Variants in NSD3 observed in about 807,000 individuals in gnomAD.
NSD3 encodes the protein histone-lysine N-methyltransferase NSD3.
In NSD3, 24 loss-of-function variants were observed where a neutral mutation model predicts 160.8. The observed-to-expected ratio is 0.15, with a 90% CI of 0.11 to 0.21. The LOEUF is 0.21. Ranked by LOEUF, NSD3 falls within the 10% of genes least tolerant of loss-of-function variation. NSD3 has a pLI of 1.00. For synonymous variants in NSD3, 520 were observed against 600.0 expected, an observed-to-expected ratio of 0.87 and a Z score of 1.95; for missense variants, 1,157 against 1,735.9, an observed-to-expected ratio of 0.67 and a Z score of 5.93.
chr8:38,317,682 T>G lies in NSD3; in HGVS notation c.1855+1213A>C. The G allele has an allele frequency of 8.0e-7, 1 of 1,253,722 alleles. No homozygotes were observed. Among genetic ancestry groups the G allele is most frequent in the Non-Finnish European group, 1.0e-6 (1 of 994,676 alleles). The allele number at this position is 1,253,722 out of a possible 1,614,324, so 77.7% of individuals were successfully genotyped here. Reference sequence around the variant, plus strand: ...AACAAAAAACCAAAAACAGTCCATGTTGAAATTGATCAGTGTAAGTTAAAT... The same window carrying G: ...AACAAAAAACCAAAAACAGTCCATGGTGAAATTGATCAGTGTAAGTTAAAT... On this transcript the variant is annotated intron_variant, in intron 9 of 23. Coordinates refer to ENST00000317025, the MANE Select transcript of NSD3 (RefSeq NM_023034.2). The surrounding 1 kb of genome is among the most constrained non-coding windows in gnomAD (Gnocchi z 5.3).
chr8:38,343,143 G>A (rs1008840059), intron 2 of NSD3, among the ~76,000 whole-genome samples: 17 of 151,836 alleles, frequency 1.1e-4, no homozygotes, highest in African/African-American at 4.1e-4. Flanking sequence ...GTTGCAGTGA[G>A]CCGAGATCGT....
At chr8:38,323,621 C>T (rs1268562781) in intron 7 of NSD3, among the ~76,000 whole-genome samples, 2 of 151,742 alleles carry the variant, frequency 1.3e-5, no homozygotes, top group Non-Finnish European at 2.9e-5. Context: ...AGTTCGAGAC[C>T]AGCCTGGGGA....
At chr8:38,358,908 G>A (rs1810890261) in intron 1 of NSD3, among the ~76,000 whole-genome samples, 1 of 150,142 alleles carries the variant, frequency 6.7e-6, no homozygotes, top group African/African-American at 2.4e-5. Flanking sequence ...TAAATGGGGG[G>A]AAAGGAACAG....
chr8:38,295,932 C>T lies in NSD3; in HGVS notation c.2779G>A (p.Glu927Lys). ...GGGTGGAAGGAAGCTGGGCACGATT[C>T]ACAGCAGAGCAATCTTCCACCTTGA... ...CEKGGRLLCC[E>K]SCPASFHPEC... is the part of the protein sequence containing the mutation. Residue 927 changes from glutamate to lysine, a missense_variant, in exon 16 of 24, where the codon GAA (glutamate) becomes AAA (lysine). Transcript: ENST00000317025. 1 of 1,612,660 alleles carries T rather than the reference C, an allele frequency of 6.2e-7. No individual in the cohort carries two copies. The highest frequency in any genetic ancestry group is 8.5e-7 in the Non-Finnish European group (1 of 1,179,550).
At chr8:38,282,711 A>G (rs897171528) in intron 19 of NSD3, among the ~76,000 whole-genome samples, 3 of 152,180 alleles carry the variant, frequency 2.0e-5, no homozygotes, top group Non-Finnish European at 4.4e-5. Flanking sequence ...AATGTTTTAT[A>G]ATGGAATGAT....
intron 2 of NSD3, among the ~76,000 whole-genome samples, chr8:38,340,484 C>T (rs1377874190): frequency 2.0e-5 from 3 of 152,000 alleles, no homozygotes; most frequent in Non-Finnish European, 2.9e-5. Flanking sequence ...AATACAGGCC[C>T]GCACCACCAC....
chr8:38,381,235 T>C (rs1211264917), intron 1 of NSD3, among the ~76,000 whole-genome samples: 3 of 152,034 alleles, frequency 2.0e-5, no homozygotes, highest in Non-Finnish European at 4.4e-5. Context: ...CTGCGTCTAT[T>C]TCCCATTCTC....
chr8:38,350,414 A>G (rs965524123), intron 1 of NSD3, among the ~76,000 whole-genome samples: 1 of 151,918 alleles, frequency 6.6e-6, no homozygotes, highest in African/African-American at 2.4e-5. Context: ...TGTAGTTTTG[A>G]TTTGCATTTG....
intron 1 of NSD3, among the ~76,000 whole-genome samples, chr8:38,352,433 C>T (rs1252403973): frequency 6.6e-6 from 1 of 152,208 alleles, no homozygotes; most frequent in Admixed American, 6.5e-5. Context: ...CTTTACACAT[C>T]AGCTCATTTA....
chr8:38,350,134 C>T (rs1033866406), intron 1 of NSD3, among the ~76,000 whole-genome samples: 4 of 152,118 alleles, frequency 2.6e-5, no homozygotes, highest in African/African-American at 4.8e-5. Flanking sequence ...TGAGTACTGC[C>T]GCGATAAACA....
intron 6 of NSD3, among the ~76,000 whole-genome samples, chr8:38,328,159 T>C (rs954893476): frequency 2.6e-5 from 4 of 152,176 alleles, no homozygotes; most frequent in Non-Finnish European, 4.4e-5. Flanking sequence ...CACTCCAGCC[T>C]GGGCCACAGA....
At chr8:38,308,892 T>C (rs1351290270) in intron 12 of NSD3, among the ~76,000 whole-genome samples, 1 of 152,142 alleles carries the variant, frequency 6.6e-6, no homozygotes, top group Non-Finnish European at 1.5e-5. Context: ...TGAAAACTAG[T>C]GCAAATGTTA....
intron 12 of NSD3, among the ~76,000 whole-genome samples, chr8:38,306,562 C>T (rs1157582321): frequency 6.6e-6 from 1 of 151,734 alleles, no homozygotes; most frequent in Non-Finnish European, 1.5e-5. Context: ...AAATATGCAA[C>T]AAAAATGACA....
At chr8:38,328,834 AC>A (rs1406633393) in intron 6 of NSD3, among the ~76,000 whole-genome samples, 1 of 152,168 alleles carries the variant, frequency 6.6e-6, no homozygotes, top group Non-Finnish European at 1.5e-5. Flanking sequence ...GGCTGTTTTT[AC>A]CCCATTACCC....
intron 4 of NSD3, among the ~76,000 whole-genome samples, chr8:38,333,681 C>T (rs1330720478): frequency 2.0e-5 from 3 of 151,856 alleles, no homozygotes; most frequent in Non-Finnish European, 2.9e-5. Context: ...TCCTGGCTAA[C>T]AAGGTGAAAC....
At position 38,304,856 on chromosome 8, in the gene NSD3, A is replaced by T; in HGVS notation, c.2441-99T>A. On this transcript the variant is annotated intron_variant, in intron 13 of 23. Coordinates refer to ENST00000317025, the MANE Select transcript of NSD3 (RefSeq NM_023034.2). ...CTTTTTTGGGTCCCTCTGAGATGCT[A>T]GTTACAGTAGATGGAAAGCATTTTT... The T allele has an allele frequency of 4.0e-6, 5 of 1,262,656 alleles. No individual in the cohort carries two copies. The South Asian group carries it at 7.8e-5, about 20-fold the overall frequency. 78.2% of individuals were successfully genotyped at this position (1,262,656 alleles called of 1,614,324 possible).
At position 38,316,777 on chromosome 8, in the gene NSD3, T is replaced by C; in HGVS notation, c.1856-735A>G. On this transcript the variant is annotated intron_variant, in intron 9 of 23. Coordinates refer to ENST00000317025, the MANE Select transcript of NSD3 (RefSeq NM_023034.2). This position sits in a 1 kb window ranked among gnomAD's most constrained non-coding sequence, Gnocchi z 4.5. ...TGGAATTTGTGCGGGAAGAAATAAATAGGAAAAAAAAGGCAGAGAATAGTG... is the reference window on the plus strand; with the variant it reads ...TGGAATTTGTGCGGGAAGAAATAAACAGGAAAAAAAAGGCAGAGAATAGTG... 1 of 1,058,836 alleles carries C rather than the reference T, an allele frequency of 9.4e-7. No individual in the cohort carries two copies. The highest frequency in any genetic ancestry group is 1.1e-6 in the Non-Finnish European group (1 of 875,644). The allele number at this position is 1,058,836 out of a possible 1,614,324, so 65.6% of individuals were successfully genotyped here. A position where few individuals can be genotyped will look rare whatever the true frequency, so the allele number is the denominator to read the frequency against.
At chr8:38,350,512 C>T (rs191624062) in intron 1 of NSD3, among the ~76,000 whole-genome samples, 65 of 152,260 alleles carry the variant, frequency 4.3e-4, no homozygotes, top group East Asian at 7.7e-4. Flanking sequence ...TCATATCCTT[C>T]GCCCACTTTT....
At chr8:38,370,539 A>G (rs886216209) in intron 1 of NSD3, among the ~76,000 whole-genome samples, 3 of 152,136 alleles carry the variant, frequency 2.0e-5, no homozygotes, top group Non-Finnish European at 4.4e-5. Context: ...TCATCTTCTC[A>G]TGAAGGACTT....
Sources: gnomAD v4.1 joint callset for allele counts (sites outside exome capture counted in the v4.1 genomes callset) on GRCh38, gnomAD v4.1.1 for gene constraint, Gnocchi (gnomAD v3.1) non-coding constraint, MANE v1.5 for transcripts, NCBI Gene and HGNC (gene_info 2026-07-23, HGNC 2026-07-21) for gene names.